Variants in MECOM observed in about 807,000 individuals in gnomAD.
The protein encoded by MECOM is histone-lysine N-methyltransferase MECOM.
MECOM carries 13 observed loss-of-function variants against 116.3 expected under a neutral mutation model. The ratio of observed to expected loss-of-function variants is 0.11; its 90% CI spans 0.07 to 0.18. MECOM has a LOEUF of 0.18. Ranked by LOEUF, MECOM falls within the 10% of genes least tolerant of loss-of-function variation. MECOM has a pLI of 1.00. For missense variants in MECOM, 1,299 were observed against 1,509.0 expected (o/e 0.86, Z 2.31); for synonymous variants, 528 against 535.2 (o/e 0.99, Z 0.19).
At chr3:169,518,008 C>A (rs1756860528) in intron 1 of MECOM, among the ~76,000 whole-genome samples, 1 of 152,006 alleles carries the variant, frequency 6.6e-6, no homozygotes, top group Non-Finnish European at 1.5e-5. Context: ...GCCTGTAATC[C>A]CAGCACTTTG....
intron 3 of MECOM, among the ~76,000 whole-genome samples, chr3:169,137,095 A>G (rs1736585260): frequency 6.6e-6 from 1 of 152,032 alleles, no homozygotes; most frequent in Admixed American, 6.6e-5. Context: ...AGCTCCCAAC[A>G]TTTGGCCTAA....
At chr3:169,309,583 T>G (rs1718355119) in intron 2 of MECOM, among the ~76,000 whole-genome samples, 1 of 152,212 alleles carries the variant, frequency 6.6e-6, no homozygotes, top group South Asian at 2.1e-4. Flanking sequence ...AGCTTTTCAT[T>G]ACAAATACTC....
chr3:169,539,632 G>C (rs1759820399), intron 1 of MECOM, among the ~76,000 whole-genome samples: 1 of 152,128 alleles, frequency 6.6e-6, no homozygotes, highest in Non-Finnish European at 1.5e-5. Context: ...TATCCCCAGT[G>C]CAAAGACTAT....
Position 169,663,326 on chromosome 3 carries a change from T to C in MECOM, c.37+10A>G, listed in dbSNP as rs1345580767. ...GGGAAAAGCCAATAGAAAAGGGATA[T>C]TGCACCTACTTGTGGCCAGTTTCCT... On this transcript the variant is annotated intron_variant, in intron 1 of 16. Transcript: ENST00000651503. 2 of 1,607,650 alleles carry C rather than the reference T, an allele frequency of 1.2e-6. No homozygotes were observed. Among genetic ancestry groups the C allele is most frequent in the South Asian group, 1.1e-5 (1 of 89,378 alleles).
intron 2 of MECOM, among the ~76,000 whole-genome samples, chr3:169,220,680 G>T (rs1752025224): frequency 6.6e-6 from 1 of 152,026 alleles, no homozygotes. Context: ...TCTCCATGTT[G>T]GCTAGGCTGG....
intron 2 of MECOM, among the ~76,000 whole-genome samples, chr3:169,379,797 A>G (rs1286781894): frequency 1.3e-5 from 2 of 152,156 alleles, no homozygotes; most frequent in East Asian, 3.8e-4. Flanking sequence ...GTTTATAGCC[A>G]TTATTTTAAG....
At chr3:169,259,285 C>A (rs1757243839) in intron 2 of MECOM, among the ~76,000 whole-genome samples, 1 of 152,190 alleles carries the variant, frequency 6.6e-6, no homozygotes, top group South Asian at 2.1e-4. Context: ...AGTTAAATCA[C>A]TTCCTCCTAC....
At chr3:169,452,173 G>C (rs1161307144) in intron 1 of MECOM, among the ~76,000 whole-genome samples, 1 of 151,716 alleles carries the variant, frequency 6.6e-6, no homozygotes, top group Non-Finnish European at 1.5e-5. Context: ...CACTACTCAC[G>C]GCCGATGCCC....
chr3:169,318,096 C>T (rs1720089384), intron 2 of MECOM, among the ~76,000 whole-genome samples: 1 of 152,170 alleles, frequency 6.6e-6, no homozygotes, highest in African/African-American at 2.4e-5. Context: ...GGACTCCTTC[C>T]TTACACCTTA....
intron 1 of MECOM, among the ~76,000 whole-genome samples, chr3:169,515,139 C>T (rs1189283830): frequency 6.6e-6 from 1 of 152,088 alleles, no homozygotes; most frequent in Admixed American, 6.5e-5. Flanking sequence ...CCTTTCATTT[C>T]GCCACAGCAC....
intron 1 of MECOM, among the ~76,000 whole-genome samples, chr3:169,460,889 G>A (rs923353563): frequency 6.6e-6 from 1 of 152,072 alleles, no homozygotes; most frequent in Admixed American, 6.6e-5. Context: ...ATTAATTTAC[G>A]GGAGAGTCCA....
chr3:169,365,119 G>A (rs865890576), intron 2 of MECOM, among the ~76,000 whole-genome samples: 1 of 151,866 alleles, frequency 6.6e-6, no homozygotes, highest in Admixed American at 6.6e-5. Flanking sequence ...TAAGCTCTAG[G>A]CAAGTGTTAG....
chr3:169,404,228 C>T (rs1433732844), intron 1 of MECOM, among the ~76,000 whole-genome samples: 1 of 151,950 alleles, frequency 6.6e-6, no homozygotes, highest in African/African-American at 2.4e-5. Context: ...AAAAAAGTTG[C>T]TAAGGATATA....
rs201308712 is a variant in MECOM at position 169,485,837 on chromosome 3, ATG to A, written c.38-104315_38-104314del. Among the ~76,000 whole-genome samples, 148 of 140,338 alleles carry A rather than the reference ATG, an allele frequency of 1.1e-3. 4 individuals carry two copies. Among genetic ancestry groups the A allele is most frequent in the Admixed American group, 3.1e-3 (42 of 13,660 alleles). 92.1% of individuals were successfully genotyped at this position (140,338 alleles called of 152,430 possible). A position where few individuals can be genotyped will look rare whatever the true frequency, so the allele number is the denominator to read the frequency against. ...CCTCTAAATATATATATGTATATAT[ATG>A]TGTGTGTGTGTATATACCATATGTA... is the stretch of plus-strand genomic sequence containing the variant. On this transcript the variant is annotated intron_variant, in intron 1 of 16. Transcript: ENST00000651503.
intron 2 of MECOM, among the ~76,000 whole-genome samples, chr3:169,347,085 A>C (rs943239119): frequency 2.0e-5 from 3 of 152,052 alleles, no homozygotes; most frequent in African/African-American, 7.2e-5. Context: ...CAGCAAGACA[A>C]ATGGTTAACT....
intron 1 of MECOM, among the ~76,000 whole-genome samples, chr3:169,484,275 CAAAAG>C (rs10574408): frequency 0.13 from 19,445 of 148,566 alleles, 1,367 homozygotes; most frequent in African/African-American, 0.18. Flanking sequence ...TAAAAAGAAA[CAAAAG>C]AGAAAAAAGA....
intron 2 of MECOM, among the ~76,000 whole-genome samples, chr3:169,207,610 AAG>A (rs1296737011): frequency 6.6e-6 from 1 of 152,192 alleles, no homozygotes. Flanking sequence ...AAATGTGAGA[AAG>A]AGTGTGGATT....
At chr3:169,278,962 T>C (rs987253347) in intron 2 of MECOM, among the ~76,000 whole-genome samples, 6 of 152,234 alleles carry the variant, frequency 3.9e-5, no homozygotes, top group Non-Finnish European at 7.3e-5. Context: ...TGCACTGTGC[T>C]CTGGCCTAGG....
chr3:169,467,720 G>A (rs370697176), intron 1 of MECOM, among the ~76,000 whole-genome samples: 5 of 152,150 alleles, frequency 3.3e-5, no homozygotes, highest in Admixed American at 6.5e-5. Flanking sequence ...TTCATTGTTC[G>A]CTGACACTGA....
Sources: gnomAD v4.1 joint callset for allele counts (sites outside exome capture counted in the v4.1 genomes callset) on GRCh38, gnomAD v4.1.1 for gene constraint, MANE v1.5 for transcripts, NCBI Gene and HGNC (gene_info 2026-07-23, HGNC 2026-07-21) for gene names.